Variants in NCKAP5 observed in about 807,000 individuals in gnomAD.
NCKAP5 encodes NCK associated protein 5, also known as nck-associated protein 5.
NCKAP5 carries 92 observed loss-of-function variants against 167.0 expected under a neutral mutation model. The observed-to-expected ratio is 0.55, with a 90% CI of 0.47 to 0.66. The LOEUF (loss-of-function observed/expected upper bound fraction) is 0.66, where lower values mean the gene tolerates loss of function less well. Ranked by LOEUF, NCKAP5 falls within the 30% of genes least tolerant of loss-of-function variation. The pLI, the probability that NCKAP5 is intolerant of heterozygous loss-of-function variation, is 0.00. For synonymous variants in NCKAP5, 891 were observed against 877.4 expected (o/e 1.02, Z -0.27); for missense variants, 2,378 against 2,315.0 (o/e 1.03, Z -0.56).
chr2:133,599,877 T>C, the NCKAP5 span, among the ~76,000 whole-genome samples: 2 of 152,258 alleles, frequency 1.3e-5, no homozygotes, highest in Admixed American at 6.5e-5. Flanking sequence ...CCAGTGCCCC[T>C]TGGGAAGAAT....
chr2:132,686,862 C>CA lies in NCKAP5; in HGVS notation c.5714-13558dup, dbSNP rs539996678. 3.1e-4 allele frequency among the ~76,000 whole-genome samples: 47 copies of CA among 151,924 alleles called. No individual in the cohort carries two copies. The South Asian group carries it at 7.5e-3, about 24-fold the overall frequency. The stretch of plus-strand genomic sequence containing the variant: ...AAACAGGAAAATAGACTTTGTTCTT[C>CA]AAAAAAAATTTGATTAACATAGTTT... On this transcript the variant is annotated intron_variant, in intron 19 of 19. Transcript: ENST00000409261.
chr2:133,648,273 G>A, the NCKAP5 span, among the ~76,000 whole-genome samples: 13 of 151,596 alleles, frequency 8.6e-5, no homozygotes, highest in Non-Finnish European at 1.3e-4. Context: ...AAAAAAAACT[G>A]GCAAAACTGA....
At chr2:133,182,213 G>A (rs1574297120) in intron 5 of NCKAP5, among the ~76,000 whole-genome samples, 1 of 152,234 alleles carries the variant, frequency 6.6e-6, no homozygotes, top group African/African-American at 2.4e-5. Context: ...CAGAAAATCA[G>A]CAGGATACAC....
the NCKAP5 span, among the ~76,000 whole-genome samples, chr2:133,657,662 A>T: frequency 6.6e-6 from 1 of 152,150 alleles, no homozygotes; most frequent in African/African-American, 2.4e-5. Context: ...AGCAACCTTC[A>T]CCTTGAATAT....
chr2:132,674,365 C>T lies in NCKAP5; in HGVS notation c.5714-1060G>A, dbSNP rs187821939. 3.2e-3 allele frequency among the ~76,000 whole-genome samples: 486 copies of T among 152,240 alleles called. 3 individuals are homozygous for T. Among genetic ancestry groups the T allele is most frequent in the African/African-American group, 0.011 (474 of 41,534 alleles). The stretch of plus-strand genomic sequence containing the variant: ...GGCTCAGAGTGACAGAGATATTTGC[C>T]CAAGGTTGCCCAGCAAGTGGCAGAG... On this transcript the variant is annotated intron_variant, in intron 19 of 19. Coordinates refer to ENST00000409261, the MANE Select transcript of NCKAP5 (RefSeq NM_207363.3).
chr2:133,546,900 A>C (rs561759020), intron 2 of NCKAP5, among the ~76,000 whole-genome samples: 45 of 152,252 alleles, frequency 3.0e-4, no homozygotes, highest in Non-Finnish European at 5.0e-4. Flanking sequence ...AGGAACAGCT[A>C]CGGTCTACAG....
intron 3 of NCKAP5, among the ~76,000 whole-genome samples, chr2:133,511,388 T>A (rs1683479705): frequency 6.6e-6 from 1 of 152,166 alleles, no homozygotes; most frequent in Non-Finnish European, 1.5e-5. Context: ...TCTGCACTGT[T>A]GGAGAACAGG....
At chr2:132,912,719 T>C (rs1324572200) in intron 8 of NCKAP5, among the ~76,000 whole-genome samples, 1 of 152,192 alleles carries the variant, frequency 6.6e-6, no homozygotes, top group Admixed American at 6.5e-5. Flanking sequence ...AAGTCAAGAA[T>C]TTATCAGATG....
chr2:133,284,298 T>C (rs999582836), intron 4 of NCKAP5, among the ~76,000 whole-genome samples: 4 of 152,054 alleles, frequency 2.6e-5, no homozygotes, highest in African/African-American at 7.2e-5. Context: ...CCCTACCCCA[T>C]AGAGTAGGGA....
chr2:133,032,637 T>TTA (rs1176560400), intron 6 of NCKAP5, among the ~76,000 whole-genome samples: 13 of 151,906 alleles, frequency 8.6e-5, no homozygotes, highest in Admixed American at 3.9e-4. Context: ...AGCCAGGGAG[T>TTA]GGTTACAGCA....
At chr2:133,610,284 T>C in the NCKAP5 span, among the ~76,000 whole-genome samples, 1 of 152,006 alleles carries the variant, frequency 6.6e-6, no homozygotes, top group Non-Finnish European at 1.5e-5. Context: ...GACCAGAGGG[T>C]TAATGAAAGA....
chr2:132,673,703 TG>T (rs1330345807), intron 19 of NCKAP5, among the ~76,000 whole-genome samples: 12 of 152,226 alleles, frequency 7.9e-5, no homozygotes, highest in Non-Finnish European at 1.5e-4. Context: ...TATGGTAATA[TG>T]TTTTTTTCTA....
At chr2:132,970,169 A>AT (rs1265415727) in intron 7 of NCKAP5, among the ~76,000 whole-genome samples, 2 of 152,198 alleles carry the variant, frequency 1.3e-5, no homozygotes, top group African/African-American at 4.8e-5. Flanking sequence ...ACACGACAGT[A>AT]TTTTTTAAAA....
At chr2:133,430,191 A>T (rs1303167152) in intron 3 of NCKAP5, among the ~76,000 whole-genome samples, 1 of 151,980 alleles carries the variant, frequency 6.6e-6, no homozygotes, top group African/African-American at 2.4e-5. Context: ...TAGTAGGTAT[A>T]TACAATTATC....
chr2:133,549,338 G>C (rs572301372), intron 2 of NCKAP5, among the ~76,000 whole-genome samples: 113 of 148,922 alleles, frequency 7.6e-4, no homozygotes, highest in Middle Eastern at 6.8e-3. Context: ...TGACCACATA[G>C]TTGGAAGTAA....
chr2:132,809,823 T>C (rs954793081), intron 11 of NCKAP5, among the ~76,000 whole-genome samples: 39 of 152,086 alleles, frequency 2.6e-4, no homozygotes, highest in African/African-American at 9.2e-4. Flanking sequence ...GCCTGTGTAC[T>C]TCAGTTTTTG....
At chr2:133,329,245 T>C (rs1161763419) in intron 3 of NCKAP5, among the ~76,000 whole-genome samples, 2 of 151,952 alleles carry the variant, frequency 1.3e-5, no homozygotes, top group Non-Finnish European at 2.9e-5. Flanking sequence ...TCCCACCTCA[T>C]AGTCCACAGG....
chr2:132,741,370 C>T (rs1208211016), intron 16 of NCKAP5, among the ~76,000 whole-genome samples: 1 of 152,092 alleles, frequency 6.6e-6, no homozygotes, highest in African/African-American at 2.4e-5. Context: ...TCTTGAAAAA[C>T]AATGGCTACA....
chr2:132,775,908 G>T (rs962429473), intron 15 of NCKAP5, among the ~76,000 whole-genome samples: 1 of 152,086 alleles, frequency 6.6e-6, no homozygotes. Context: ...TTTTAAACTC[G>T]CAGGGGTGCC....
Sources: allele counts gnomAD v4.1 joint callset (sites outside exome capture counted in the v4.1 genomes callset), GRCh38; gene constraint gnomAD v4.1.1; transcripts MANE v1.5; gene names NCBI Gene and HGNC (gene_info 2026-07-23, HGNC 2026-07-21).